The following ANKS1B variants were observed in gnomAD, a reference collection of about 807,000 sequenced individuals.
ANKS1B encodes ankyrin repeat and sterile alpha motif domain containing 1B, also known as ankyrin repeat and sterile alpha motif domain-containing protein 1B.
Under a neutral mutation model 148.3 loss-of-function variants are expected in ANKS1B, and 36 were observed. The ratio of observed to expected loss-of-function variants is 0.24; its 90% CI spans 0.19 to 0.32. The LOEUF is 0.32. ANKS1B is among the 10% of genes least tolerant of loss of function. The pLI, the probability that ANKS1B is intolerant of heterozygous loss-of-function variation, is 1.00. For synonymous variants in ANKS1B, 542 were observed against 560.8 expected, an observed-to-expected ratio of 0.97 and a Z score of 0.47; for missense variants, 1,157 against 1,542.6, an observed-to-expected ratio of 0.75 and a Z score of 4.19.
At chr12:99,636,526 A>T (rs543222769) in intron 9 of ANKS1B, among the ~76,000 whole-genome samples, 1 of 152,210 alleles carries the variant, frequency 6.6e-6, no homozygotes, top group Non-Finnish European at 1.5e-5. Flanking sequence ...CTCTAGAAAC[A>T]CTAGAAAGTA....
At chr12:99,644,038 C>T (rs1156337868) in intron 9 of ANKS1B, among the ~76,000 whole-genome samples, 1 of 152,182 alleles carries the variant, frequency 6.6e-6, no homozygotes, top group East Asian at 1.9e-4. Context: ...GTTCTTCTCA[C>T]AATTTATCTC....
intron 17 of ANKS1B, among the ~76,000 whole-genome samples, chr12:98,893,893 G>A (rs139889116): frequency 3.5e-4 from 54 of 152,290 alleles, no homozygotes; most frequent in Admixed American, 1.9e-3. Flanking sequence ...AATAAATACG[G>A]GGCGATGGCA....
chr12:98,976,850 T>C (rs1436444411), intron 17 of ANKS1B, among the ~76,000 whole-genome samples: 1 of 152,246 alleles, frequency 6.6e-6, no homozygotes, highest in African/African-American at 2.4e-5. Flanking sequence ...TGCTCATTTG[T>C]AGTTTGATAT....
chr12:99,840,962 T>G (rs1479625600), intron 1 of ANKS1B, among the ~76,000 whole-genome samples: 2 of 152,114 alleles, frequency 1.3e-5, no homozygotes, highest in African/African-American at 4.8e-5. Flanking sequence ...AAGGAAACTT[T>G]TATTCCCTCA....
At position 99,863,085 on chromosome 12, in the gene ANKS1B, T is replaced by C. The variant is rs376050093; in HGVS notation, c.135-37696A>G. On this transcript the variant is annotated intron_variant, in intron 1 of 26. Coordinates refer to ENST00000683438, the MANE Select transcript of ANKS1B (RefSeq NM_001352186.2). ...ACCATACTTCATGTGTGCTGCGCCA[T>C]TCATATACAGGCTGACCTTAAGATG... Among the ~76,000 whole-genome samples the C allele has an allele frequency of 8.1e-4, 123 of 152,300 alleles. 2 individuals carry two copies. The South Asian group carries it at 0.025, about 31-fold the overall frequency.
At chr12:99,403,875 T>TA (rs1349298432) in intron 11 of ANKS1B, among the ~76,000 whole-genome samples, 1 of 146,184 alleles carries the variant, frequency 6.8e-6, no homozygotes, top group Non-Finnish European at 1.5e-5. Flanking sequence ...CATACACACA[T>TA]ATGTTCACTG....
intron 15 of ANKS1B, 36 bp downstream of exon 15, chr12:99,154,253 C>A: frequency 6.2e-7 from 1 of 1,610,740 alleles, no homozygotes. Context: ...CAAAGACAGA[C>A]AAAAGGCAGC....
chr12:99,656,113 A>C (rs535100581), intron 8 of ANKS1B, among the ~76,000 whole-genome samples: 1 of 152,298 alleles, frequency 6.6e-6, no homozygotes, highest in East Asian at 1.9e-4. Context: ...GTTGAAGCAA[A>C]AGGATTATGA....
intron 22 of ANKS1B, among the ~76,000 whole-genome samples, chr12:98,785,485 A>G (rs969457263): frequency 4.6e-5 from 7 of 152,116 alleles, no homozygotes; most frequent in Non-Finnish European, 1.0e-4. Flanking sequence ...AAAGAAAAAG[A>G]AAAAGGAAAA....
intron 22 of ANKS1B, chr12:98,794,655 A>C: frequency 2.3e-6 from 2 of 871,136 alleles, no homozygotes; most frequent in Non-Finnish European, 3.9e-6. Flanking sequence ...GCATTCTGGA[A>C]AGCAGCTGGT....
At chr12:98,844,105 G>A (rs1412547939) in intron 17 of ANKS1B, among the ~76,000 whole-genome samples, 2 of 152,152 alleles carry the variant, frequency 1.3e-5, no homozygotes, top group African/African-American at 4.8e-5. Flanking sequence ...AGGGCATAGT[G>A]ATTAAGAGCA....
intron 8 of ANKS1B, among the ~76,000 whole-genome samples, chr12:99,689,704 C>A (rs1333283202): frequency 6.6e-6 from 1 of 152,156 alleles, no homozygotes; most frequent in Non-Finnish European, 1.5e-5. Context: ...ACTGAGACAG[C>A]CATGTGGCTA....
chr12:99,096,126 A>G (rs1802808703), intron 15 of ANKS1B, among the ~76,000 whole-genome samples: 1 of 152,232 alleles, frequency 6.6e-6, no homozygotes, highest in African/African-American at 2.4e-5. Context: ...CATTATAATC[A>G]TAACAGGGCA....
At chr12:98,872,923 C>G (rs2099675543) in intron 17 of ANKS1B, among the ~76,000 whole-genome samples, 1 of 152,202 alleles carries the variant, frequency 6.6e-6, no homozygotes, top group Admixed American at 6.5e-5. Flanking sequence ...GCCTGTGTTT[C>G]ATGCCAACTT....
intron 10 of ANKS1B, among the ~76,000 whole-genome samples, chr12:99,452,289 T>A (rs2095756095): frequency 6.6e-6 from 1 of 152,202 alleles, no homozygotes; most frequent in African/African-American, 2.4e-5. Flanking sequence ...TCTTAAGTAC[T>A]TCCTATGGAA....
chr12:99,847,596 C>T (rs2086901148), intron 1 of ANKS1B, among the ~76,000 whole-genome samples: 1 of 152,168 alleles, frequency 6.6e-6, no homozygotes, highest in African/African-American at 2.4e-5. Flanking sequence ...TTAAGTCATT[C>T]CCTTTTTGTC....
chr12:98,946,417 A>C (rs2153048628), intron 17 of ANKS1B, among the ~76,000 whole-genome samples: 1 of 152,322 alleles, frequency 6.6e-6, no homozygotes, highest in South Asian at 2.1e-4. Context: ...TCATTCATTC[A>C]ACAAATAATT....
intron 6 of ANKS1B, among the ~76,000 whole-genome samples, chr12:99,777,622 T>C (rs1228282319): frequency 6.6e-6 from 1 of 152,128 alleles, no homozygotes. Context: ...TCTCGCTCTG[T>C]TGCTCAGGCT....
Position 99,102,434 on chromosome 12 carries a change from CTTT to C in ANKS1B, c.2527-17414_2527-17412del, listed in dbSNP as rs869052334. 4.6e-5 allele frequency among the ~76,000 whole-genome samples: 6 copies of C among 130,504 alleles called. No homozygotes were observed. In the East Asian group the frequency reaches 7.6e-4, roughly 17 times the overall value. 85.6% of individuals were successfully genotyped at this position (130,504 alleles called of 152,430 possible). On this transcript the variant is annotated intron_variant, in intron 15 of 26. Coordinates refer to ENST00000683438, the MANE Select transcript of ANKS1B (RefSeq NM_001352186.2). The stretch of plus-strand genomic sequence containing the variant: ...TTATTTTCTTCTTCTTCTTCTTCTT[CTTT>C]TTTTCACTCGTAAGAATAGGAGGTG...
Sources: gnomAD v4.1 joint callset for allele counts (sites outside exome capture counted in the v4.1 genomes callset) on GRCh38, gnomAD v4.1.1 for gene constraint, MANE v1.5 for transcripts, NCBI Gene and HGNC (gene_info 2026-07-23, HGNC 2026-07-21) for gene names.